The following PCDH9 variants were observed in gnomAD, a reference collection of about 807,000 sequenced individuals.
PCDH9 encodes protocadherin-9.
In PCDH9, 24 loss-of-function variants were observed where a neutral mutation model predicts 70.6. That is an observed-to-expected ratio of 0.34 (90% CI 0.25 to 0.48). The LOEUF (loss-of-function observed/expected upper bound fraction) is 0.48. Ranked by LOEUF, PCDH9 falls within the 20% of genes least tolerant of loss-of-function variation. The probability of loss-of-function intolerance (pLI) is 0.99; values close to 1 mark genes in which losing one functional copy is unlikely to be tolerated. For synonymous variants in PCDH9, 562 were observed against 558.5 expected (o/e 1.01, Z -0.09); for missense variants, 1,281 against 1,503.6 (o/e 0.85, Z 2.45).
chr13:66,754,995 A>G (rs1316335926), intron 3 of PCDH9, among the ~76,000 whole-genome samples: 1 of 152,198 alleles, frequency 6.6e-6, no homozygotes, highest in African/African-American at 2.4e-5. Context: ...TGAATTTGAG[A>G]TAAATTACTT....
At chr13:66,351,813 A>G (rs1956295720) in intron 4 of PCDH9, among the ~76,000 whole-genome samples, 1 of 151,010 alleles carries the variant, frequency 6.6e-6, no homozygotes, top group African/African-American at 2.4e-5. Flanking sequence ...ACTTCACCTT[A>G]CACATTCCTT....
intron 2 of PCDH9, among the ~76,000 whole-genome samples, chr13:66,923,863 TATAA>T (rs1383088166): frequency 6.6e-6 from 1 of 151,820 alleles, no homozygotes; most frequent in Non-Finnish European, 1.5e-5. Flanking sequence ...TTTTACTAAC[TATAA>T]ACTATTTTAT....
intron 2 of PCDH9, among the ~76,000 whole-genome samples, chr13:67,167,758 T>C (rs553887962): frequency 2.2e-4 from 34 of 152,344 alleles, no homozygotes; most frequent in Non-Finnish European, 3.8e-4. Flanking sequence ...TCCTTTTTAT[T>C]TATGATTCCA....
At chr13:66,408,415 A>G (rs984953773) in intron 4 of PCDH9, among the ~76,000 whole-genome samples, 5 of 152,338 alleles carry the variant, frequency 3.3e-5, no homozygotes, top group African/African-American at 1.2e-4. Flanking sequence ...GTAACATAAA[A>G]TAACTACTTT....
chr13:66,447,559 G>A (rs935373539), intron 4 of PCDH9, among the ~76,000 whole-genome samples: 8 of 152,012 alleles, frequency 5.3e-5, no homozygotes, highest in Non-Finnish European at 8.8e-5. Context: ...ATGTGTGTGC[G>A]ATTAAATCTA....
intron 4 of PCDH9, among the ~76,000 whole-genome samples, chr13:66,514,180 A>G (rs993628129): frequency 1.3e-5 from 2 of 152,130 alleles, no homozygotes; most frequent in Admixed American, 1.3e-4. Context: ...TTGATTAGGC[A>G]TACACAGTAC....
At chr13:66,718,869 A>G (rs2078905398) in intron 3 of PCDH9, among the ~76,000 whole-genome samples, 1 of 152,204 alleles carries the variant, frequency 6.6e-6, no homozygotes, top group Non-Finnish European at 1.5e-5. Context: ...CCTTAGTAGT[A>G]CCTGGCTTGC....
chr13:66,586,158 A>T (rs1334811634), intron 4 of PCDH9, among the ~76,000 whole-genome samples: 4 of 152,170 alleles, frequency 2.6e-5, no homozygotes, highest in Admixed American at 2.6e-4. Flanking sequence ...CAATAGATTC[A>T]GGGAGAAATG....
rs192702216 is a variant in PCDH9 at position 67,014,865 on chromosome 13, G to A, written c.3037-111260C>T. Among the ~76,000 whole-genome samples, 22 of 152,156 alleles carry A rather than the reference G, an allele frequency of 1.4e-4. No homozygotes were observed. The East Asian group carries it at 4.1e-3, about 28-fold the overall frequency. ...TCTTTTGAGCCTTGCTCCTCTGCAA[G>A]AAGCTGCCCCACCACTCCTTTTCTT... On this transcript the variant is annotated intron_variant, in intron 2 of 4. Transcript: ENST00000377865.
chr13:67,032,940 G>A (rs1035836316), intron 2 of PCDH9, among the ~76,000 whole-genome samples: 21 of 152,012 alleles, frequency 1.4e-4, no homozygotes, highest in African/African-American at 4.8e-4. Flanking sequence ...TCTAATAGTA[G>A]CCTATGTTTT....
chr13:67,050,313 G>A (rs1235698794), intron 2 of PCDH9, among the ~76,000 whole-genome samples: 1 of 151,666 alleles, frequency 6.6e-6, no homozygotes, highest in Non-Finnish European at 1.5e-5. Context: ...AGCAGGTAGG[G>A]GAAAAAAAAT....
intron 3 of PCDH9, among the ~76,000 whole-genome samples, chr13:66,865,411 G>A (rs2081556608): frequency 6.6e-6 from 1 of 152,120 alleles, no homozygotes; most frequent in South Asian, 2.1e-4. Flanking sequence ...TTTTCATGCT[G>A]TCATTATCAA....
At chr13:66,941,923 C>G (rs1334659826) in intron 2 of PCDH9, among the ~76,000 whole-genome samples, 1 of 151,734 alleles carries the variant, frequency 6.6e-6, no homozygotes, top group African/African-American at 2.4e-5. Context: ...TACTCTGAGG[C>G]ATAAAACAAT....
intron 2 of PCDH9, among the ~76,000 whole-genome samples, chr13:67,037,771 G>T (rs900788266): frequency 1.3e-5 from 2 of 152,064 alleles, no homozygotes; most frequent in Non-Finnish European, 2.9e-5. Context: ...ATGGAAACTC[G>T]GGTGATGGTT....
At chr13:66,784,442 T>A (rs1423287491) in intron 3 of PCDH9, among the ~76,000 whole-genome samples, 1 of 152,152 alleles carries the variant, frequency 6.6e-6, no homozygotes, top group Non-Finnish European at 1.5e-5. Context: ...TCCAAGACAT[T>A]GTCTCAGGAC....
chr13:66,954,078 T>C (rs1359106455), intron 2 of PCDH9, among the ~76,000 whole-genome samples: 1 of 152,182 alleles, frequency 6.6e-6, no homozygotes, highest in Non-Finnish European at 1.5e-5. Context: ...GGGCCATCCA[T>C]CTAAAACAGT....
At chr13:66,570,714 TTAGATTAGGCAA>T (rs996590033) in intron 4 of PCDH9, among the ~76,000 whole-genome samples, 1 of 152,144 alleles carries the variant, frequency 6.6e-6, no homozygotes, top group African/African-American at 2.4e-5. Context: ...GACAAAGTAG[TTAGATTAGGCAA>T]TAGATTTTGA....
intron 4 of PCDH9, among the ~76,000 whole-genome samples, chr13:66,366,653 A>G (rs1054480898): frequency 6.6e-6 from 1 of 152,070 alleles, no homozygotes; most frequent in Admixed American, 6.6e-5. Flanking sequence ...AGGGAAGTGA[A>G]GGTGTTAAAC....
chr13:66,362,345 A>G (rs1956485033), intron 4 of PCDH9, among the ~76,000 whole-genome samples: 1 of 152,166 alleles, frequency 6.6e-6, no homozygotes, highest in Non-Finnish European at 1.5e-5. Context: ...TGAGCACTCC[A>G]TTTCAATACT....
Sources: gnomAD v4.1 joint callset for allele counts (sites outside exome capture counted in the v4.1 genomes callset) on GRCh38, gnomAD v4.1.1 for gene constraint, MANE v1.5 for transcripts, NCBI Gene and HGNC (gene_info 2026-07-23, HGNC 2026-07-21) for gene names.